PCDHGA3: variants seen among roughly 807,000 people sequenced by gnomAD.
PCDHGA3 encodes protocadherin gamma-A3.
Under a neutral mutation model 58.5 loss-of-function variants are expected in PCDHGA3, and 40 were observed. That is an observed-to-expected ratio of 0.68 (90% CI 0.53 to 0.89). PCDHGA3 has a LOEUF of 0.89. Ranked by LOEUF, PCDHGA3 falls within the 40% of genes least tolerant of loss-of-function variation. The pLI, the probability that PCDHGA3 is intolerant of heterozygous loss-of-function variation, is 0.00. For missense variants in PCDHGA3, 1,223 were observed against 1,195.9 expected, an observed-to-expected ratio of 1.02 and a Z score of -0.33; for synonymous variants, 530 against 525.7, an observed-to-expected ratio of 1.01 and a Z score of -0.11.
chr5:141,393,766 A>G, intron 1 of PCDHGA3: 2 of 1,613,950 alleles, frequency 1.2e-6, no homozygotes. Flanking sequence ...TATGAAATGG[A>G]AATACAAGCC....
chr5:141,466,812 G>T (rs1394979761), intron 1 of PCDHGA3, among the ~76,000 whole-genome samples: 1 of 151,940 alleles, frequency 6.6e-6, no homozygotes, highest in African/African-American at 2.4e-5. Flanking sequence ...ATTCAGACAT[G>T]GTATAACAAG....
intron 1 of PCDHGA3, chr5:141,420,323 A>G (rs753373746): frequency 2.1e-6 from 3 of 1,410,102 alleles, no homozygotes; most frequent in East Asian, 2.4e-5. Flanking sequence ...CAATATGCCA[A>G]TATATTCCAA....
chr5:141,509,179 C>T (rs895281717), intron 3 of PCDHGA3, among the ~76,000 whole-genome samples: 1 of 152,172 alleles, frequency 6.6e-6, no homozygotes, highest in African/African-American at 2.4e-5. Flanking sequence ...TCCTCTTATG[C>T]CGGCTTGAAA....
rs760572189 is a variant in PCDHGA3 at position 141,477,159 on chromosome 5, A to G, written c.2425-17648A>G. ...GTGGAGGTTGTGGATGTGAATGACA[A>G]CGCCCCGGAGATCACAGTCACCTCC... is the stretch of plus-strand genomic sequence containing the variant. On this transcript the variant is annotated intron_variant, in intron 1 of 3. Transcript: ENST00000253812. The surrounding 1 kb of genome is among the most constrained non-coding windows in gnomAD (Gnocchi z 4.9). The G allele has an allele frequency of 1.7e-5, 28 of 1,613,854 alleles. No individual in the cohort carries two copies. In the South Asian group the frequency reaches 3.1e-4, roughly 18 times the overall value.
At chr5:141,372,810 G>A (rs1769086756) in intron 1 of PCDHGA3, 3 of 1,587,362 alleles carry the variant, frequency 1.9e-6, no homozygotes, top group Non-Finnish European at 2.6e-6. Flanking sequence ...TTTGCAAAAG[G>A]TGAGTTTCTT....
rs1022748155 is a variant in PCDHGA3, at chr5:141,355,704, G to C, written c.2424+9247G>C. On this transcript the variant is annotated intron_variant, in intron 1 of 3. Transcript: ENST00000253812. ...CGGATGTAGGTGTAAACTCCCTGCA[G>C]GGTTACCAGCTCAACTCAAACGGTT... 1 of 1,613,986 alleles carries C rather than the reference G, an allele frequency of 6.2e-7. No individual in the cohort carries two copies. Among genetic ancestry groups the C allele is most frequent in the Admixed American group, 1.7e-5 (1 of 60,020 alleles).
intron 1 of PCDHGA3, among the ~76,000 whole-genome samples, chr5:141,446,247 A>T (rs969960822): frequency 6.6e-6 from 1 of 152,160 alleles, no homozygotes; most frequent in African/African-American, 2.4e-5. Context: ...GTAGATCTTC[A>T]GTGAAATATT....
chr5:141,479,562 T>G (rs1176956064), intron 1 of PCDHGA3: 2 of 152,218 alleles, frequency 1.3e-5, no homozygotes, highest in Non-Finnish European at 2.9e-5. Flanking sequence ...TATCCAGTAG[T>G]GGGATGACAT....
rs961891623 is a variant in PCDHGA3 at position 141,487,938 on chromosome 5, GC to G, written c.2425-6868del. The G allele has an allele frequency of 2.8e-5, 17 of 600,188 alleles. No homozygotes were observed. The highest frequency in any genetic ancestry group is 4.7e-5 in the Non-Finnish European group (16 of 342,978). 37.2% of individuals were successfully genotyped at this position (600,188 alleles called of 1,614,324 possible). ...GAGGCTACAGTGCACAGGGTACAGTGCACCAGGCAGTCACTTGGACAAAGGT... is the reference window on the plus strand; with the variant it reads ...GAGGCTACAGTGCACAGGGTACAGTGACCAGGCAGTCACTTGGACAAAGGT... On this transcript the variant is annotated intron_variant, in intron 1 of 3. Coordinates refer to ENST00000253812, the MANE Select transcript of PCDHGA3 (RefSeq NM_018916.4). The surrounding 1 kb of genome is among the most constrained non-coding windows in gnomAD (Gnocchi z 5.0).
intron 1 of PCDHGA3, chr5:141,423,296 T>G (rs771340929): frequency 6.2e-7 from 1 of 1,614,124 alleles, no homozygotes; most frequent in Non-Finnish European, 8.5e-7. Context: ...ACCTCAGACC[T>G]CTCGCTGTAC....
At chr5:141,364,714 T>C in intron 1 of PCDHGA3, 1 of 1,613,970 alleles carries the variant, frequency 6.2e-7, no homozygotes, top group South Asian at 1.1e-5. Context: ...ATATTAATGA[T>C]AACTTCCCGC....
rs1588462395 is a variant in PCDHGA3 at position 141,345,456 on chromosome 5, A to T, written c.1423A>T (p.Thr475Ser). The change falls in exon 1 of 4, where the codon ACA becomes TCA. Residue 475 changes from threonine to serine, a missense_variant. By Grantham distance (58) the Thr-to-Ser change is moderately conservative. This residue lies in a region of PCDHGA3 where 791 missense variants were observed against 708.5 expected (regional missense o/e 1.12). Coordinates refer to ENST00000253812, the MANE Select transcript of PCDHGA3 (RefSeq NM_018916.4). ...NPRGASIFSV[T>S]AQDPDSNNNA... ...CAGAGGAGCCTCCATCTTCTCAGTG[A>T]CAGCCCAGGACCCAGATAGCAACAA... The T allele has an allele frequency of 6.2e-7, 1 of 1,614,112 alleles. No individual in the cohort carries two copies. Among genetic ancestry groups the T allele is most frequent in the Non-Finnish European group, 8.5e-7 (1 of 1,180,016 alleles).
chr5:141,503,222 G>T (rs540244346), intron 2 of PCDHGA3, among the ~76,000 whole-genome samples: 1 of 152,120 alleles, frequency 6.6e-6, no homozygotes, highest in East Asian at 1.9e-4. Context: ...CATGAGCACC[G>T]TAAAGATGGA....
chr5:141,491,857 G>A lies in PCDHGA3; in HGVS notation c.2425-2950G>A. Reference sequence around the variant, plus strand: ...CTCGGGATCATTGGACCGTTTGCGCGAAACCAGAGTGGCCGATTAAGGGAT... The same window carrying A: ...CTCGGGATCATTGGACCGTTTGCGCAAAACCAGAGTGGCCGATTAAGGGAT... On this transcript the variant is annotated intron_variant, in intron 1 of 3. Transcript: ENST00000253812. This position sits in a 1 kb window ranked among gnomAD's most constrained non-coding sequence, Gnocchi z 6.9. The A allele has an allele frequency of 6.9e-7, 1 of 1,457,470 alleles. No homozygotes were observed. The highest frequency in any genetic ancestry group is 1.5e-5 in the South Asian group (1 of 68,508). The allele number at this position is 1,457,470 out of a possible 1,614,324, so 90.3% of individuals were successfully genotyped here. A position where few individuals can be genotyped will look rare whatever the true frequency, so the allele number is the denominator to read the frequency against.
At chr5:141,383,396 C>T (rs749879106) in intron 1 of PCDHGA3, 64 of 1,613,910 alleles carry the variant, frequency 4.0e-5, no homozygotes, top group Non-Finnish European at 5.3e-5. Flanking sequence ...GGCACGAACT[C>T]CCTCCAGAGT....
At chr5:141,419,313 G>T in intron 1 of PCDHGA3, 1 of 1,613,974 alleles carries the variant, frequency 6.2e-7, no homozygotes, top group Non-Finnish European at 8.5e-7. Context: ...GGGCTCAACG[G>T]CCGTGTCTCC....
In PCDHGA3 at chr5:141,364,378, CT is replaced by C. The variant is rs1763292198; in HGVS notation, c.2424+17923del. The stretch of plus-strand genomic sequence containing the variant: ...GGGGCTGCGGAGAGCTGCTGCTGCC[CT>C]TCATGCTCCTGGGGACGCTGTGCGA... On this transcript the variant is annotated intron_variant, in intron 1 of 3. Transcript: ENST00000253812. 5 of 1,579,064 alleles carry C rather than the reference CT, an allele frequency of 3.2e-6. No individual in the cohort carries two copies. The East Asian group carries it at 1.1e-4, about 35-fold the overall frequency.
At chr5:141,364,554 T>G in intron 1 of PCDHGA3, 1 of 1,614,122 alleles carries the variant, frequency 6.2e-7, no homozygotes. Flanking sequence ...ACGCAGCTTT[T>G]TGCCCTGAAC....
intron 1 of PCDHGA3, chr5:141,371,097 G>A (rs376198094): frequency 5.0e-6 from 8 of 1,613,710 alleles, no homozygotes; most frequent in Non-Finnish European, 6.8e-6. Flanking sequence ...TGTCGCAGAT[G>A]CAAATGATAA....
Sources: gnomAD v4.1 joint callset for allele counts (sites outside exome capture counted in the v4.1 genomes callset) on GRCh38, gnomAD v4.1.1 for gene constraint, gnomAD v4.1.1 regional missense constraint, Gnocchi (gnomAD v3.1) non-coding constraint, MANE v1.5 for transcripts, NCBI Gene and HGNC (gene_info 2026-07-23, HGNC 2026-07-21) for gene names.